ATP13A2: variants seen among roughly 807,000 people sequenced by gnomAD.
The protein encoded by ATP13A2 is polyamine-transporting ATPase 13A2.
ATP13A2 carries 83 observed loss-of-function variants against 138.3 expected under a neutral mutation model. That is an observed-to-expected ratio of 0.60 (90% confidence interval 0.50 to 0.72). The LOEUF (loss-of-function observed/expected upper bound fraction) is 0.72, where lower values mean the gene tolerates loss of function less well. Among genes scored for constraint, ATP13A2 ranks in the 30% least tolerant of loss-of-function variants. ATP13A2 has a pLI of 0.00. For synonymous variants in ATP13A2, 663 were observed against 699.0 expected (o/e 0.95, Z 0.81); for missense variants, 1,402 against 1,606.4 (o/e 0.87, Z 2.17).
Position 16,996,104 on chromosome 1 carries a change from C to A in ATP13A2, c.1414G>T (p.Ala472Ser). 2 of 1,614,106 alleles carry A rather than the reference C, an allele frequency of 1.2e-6. No homozygotes were observed. Among genetic ancestry groups the A allele is most frequent in the Non-Finnish European group, 1.7e-6 (2 of 1,180,044 alleles). The change falls in exon 15 of 29, where the codon GCC (alanine) becomes TCC (serine). Residue 472 changes from alanine (A) to serine (S), a missense_variant. Coordinates refer to ENST00000326735, the MANE Select transcript of ATP13A2 (RefSeq NM_022089.4). ...LDLVTVVVPP[A>S]LPAAMTVCTL... is the part of the protein sequence containing the mutation. ...CACACAGTCATGGCAGCAGGCAGGG[C>A]AGGTGGCACCACCACGGTCACCAGG...
chr1:17,006,903 T>C (rs1178299069), intron 1 of ATP13A2, among the ~76,000 whole-genome samples: 1 of 152,142 alleles, frequency 6.6e-6, no homozygotes, highest in Non-Finnish European at 1.5e-5. Context: ...ATATTCTTTT[T>C]TTTTTGAGAT....
At position 16,991,852 on chromosome 1, in the gene ATP13A2, A is replaced by G. The variant is rs751346349; in HGVS notation, c.2133T>C (p.Thr711=). ...CCAGGAGGCTCAGGTCTCCTTCCAC[A>G]GTGTCCCTGGAGGGTGGGCAGACCT... ...LEAAQQLTRD[T]VEGDLSLLGL... is the part of the protein sequence containing the mutation. The change falls in exon 20 of 29, where the codon ACT becomes ACC. Residue 711 remains threonine (T), a synonymous_variant. Transcript: ENST00000326735. The G allele has an allele frequency of 6.8e-6, 11 of 1,613,934 alleles. No homozygotes were observed. Among genetic ancestry groups the G allele is most frequent in the East Asian group, 2.2e-5 (1 of 44,884 alleles).
At position 16,996,346 on chromosome 1, in the gene ATP13A2, G is replaced by T. The variant is rs769010707; in HGVS notation, c.1306+40C>A. 3.0e-5 allele frequency: 48 copies of T among 1,613,896 alleles called. 1 individual carries two copies. The highest frequency in any genetic ancestry group is 1.7e-4 in the Middle Eastern group (1 of 6,060). The stretch of plus-strand genomic sequence containing the variant: ...TGAGTGGGATTTGGGACCCAGGTGG[G>T]GGGGGCTATGGGCAGAGGAGGGTGC... On this transcript the variant is annotated intron_variant, in intron 13 of 28. Coordinates refer to ENST00000326735, the MANE Select transcript of ATP13A2 (RefSeq NM_022089.4).
At position 16,986,610 on chromosome 1, in the gene ATP13A2, C is replaced by G. The variant is rs377253172; in HGVS notation, c.3258G>C (p.Ala1086=). 34 of 1,610,140 alleles carry G rather than the reference C, an allele frequency of 2.1e-5. No individual in the cohort carries two copies. Among genetic ancestry groups the G allele is most frequent in the Non-Finnish European group, 2.8e-5 (33 of 1,179,466 alleles). The stretch of plus-strand genomic sequence containing the variant: ...GGCCCACCAGGACGGAGCTCAGGAG[C>G]GCCAGGGCCACCAGGAAGGGCACTG... ...YTNVPFLVAL[A]LLSSVLVGLV... is the part of the protein sequence containing the mutation. The change falls in exon 28 of 29, where the codon GCG becomes GCC. Residue 1086 remains alanine (A), a synonymous_variant. Coordinates refer to ENST00000326735, the MANE Select transcript of ATP13A2 (RefSeq NM_022089.4). This position sits in a 1 kb window ranked among gnomAD's most constrained non-coding sequence, Gnocchi z 6.9.
At chr1:17,009,047 C>T (rs952064798) in intron 1 of ATP13A2, among the ~76,000 whole-genome samples, 1 of 152,024 alleles carries the variant, frequency 6.6e-6, no homozygotes, top group African/African-American at 2.4e-5. Flanking sequence ...GATTTGATTT[C>T]CTCCCGCACC....
Position 17,011,605 on chromosome 1 carries a change from C to G in ATP13A2, c.10+124G>C. Reference sequence around the variant, plus strand: ...ACGGGCCAGGATCCCCAACCAGGTCCCGCTTCCTGGGCTCGCGACCCCGCG... The same window carrying G: ...ACGGGCCAGGATCCCCAACCAGGTCGCGCTTCCTGGGCTCGCGACCCCGCG... On this transcript the variant is annotated intron_variant, in intron 1 of 28. Transcript: ENST00000326735. The surrounding 1 kb of genome is among the most constrained non-coding windows in gnomAD (Gnocchi z 7.3). 1 of 1,269,492 alleles carries G rather than the reference C, an allele frequency of 7.9e-7. No individual in the cohort carries two copies. Among genetic ancestry groups the G allele is most frequent in the Non-Finnish European group, 1.0e-6 (1 of 976,938 alleles). The allele number at this position is 1,269,492 out of a possible 1,614,324, so 78.6% of individuals were successfully genotyped here.
chr1:16,996,499 G>A lies in ATP13A2; in HGVS notation c.1196-3C>T. 6.2e-7 allele frequency: 1 copy of A among 1,613,624 alleles called. No homozygotes were observed. Among genetic ancestry groups the A allele is most frequent in the East Asian group, 2.2e-5 (1 of 44,866 alleles). On this transcript the variant is annotated splice_polypyrimidine_tract_variant and splice_region_variant and intron_variant, in intron 12 of 28. Transcript: ENST00000326735. Reference sequence around the variant, plus strand: ...GCCCCCTTTTGCCGTGCAGAACCCTGGGGAGGAGGCGGGGACCCCAAGGCA... The same window carrying A: ...GCCCCCTTTTGCCGTGCAGAACCCTAGGGAGGAGGCGGGGACCCCAAGGCA...
At position 17,002,115 on chromosome 1, in the gene ATP13A2, G is replaced by A. The variant is rs766322286; in HGVS notation, c.636-12C>T. The A allele has an allele frequency of 6.2e-7, 1 of 1,612,572 alleles. No individual in the cohort carries two copies. Among genetic ancestry groups the A allele is most frequent in the East Asian group, 2.2e-5 (1 of 44,824 alleles). On this transcript the variant is annotated splice_polypyrimidine_tract_variant and intron_variant, in intron 7 of 28. Transcript: ENST00000326735. ...CGTAAATGGCCTTCCTGGAAGAGGG[G>A]ATGAGGCCAAGCCATCAGAAGGAGG...
In ATP13A2 at chr1:17,004,761, C is replaced by T. The variant is rs370873558; in HGVS notation, c.408G>A (p.Ala136=). 1.7e-5 allele frequency: 28 copies of T among 1,614,080 alleles called. No homozygotes were observed. The highest frequency in any genetic ancestry group is 2.2e-5 in the East Asian group (1 of 44,878). Residue 136 remains alanine (A), a synonymous_variant, in exon 5 of 29, where the codon GCG becomes GCA. Coordinates refer to ENST00000326735, the MANE Select transcript of ATP13A2 (RefSeq NM_022089.4). This position sits in a 1 kb window ranked among gnomAD's most constrained non-coding sequence, Gnocchi z 4.1. ...TATCCTTCCAGGCACCCTCTGGTAC[C>T]GCCCCAACTGCCGCCTGGCTCCGGC... ...EDGRSQAAVG[A]VPEGAWKDTA...
intron 23 of ATP13A2, 123 bp from the exon 24 acceptor site, chr1:16,988,597 T>A: frequency 1.0e-6 from 1 of 1,003,948 alleles, no homozygotes; most frequent in Non-Finnish European, 1.5e-6. Context: ...CAGGAGGCGC[T>A]CAGTGAATAG....
In ATP13A2 at chr1:17,005,516, C is replaced by A. The variant is rs372254666; in HGVS notation, c.146G>T (p.Gly49Val). Reference sequence around the variant, plus strand: ...CATCATCCAGACCACGACGTGATAGCCGATGACCCTCCATGGACTGCCACA... The same window carrying A: ...CATCATCCAGACCACGACGTGATAGACGATGACCCTCCATGGACTGCCACA... The part of the protein sequence containing the change: ...GYCGSPWRVI[G>V]YHVVVWMMAG... Residue 49 changes from glycine (G) to valine (V), a missense_variant, in exon 3 of 29, where the codon GGC becomes GTC. Physicochemically the swap from Gly to Val is moderately radical, Grantham distance 109 (BLOSUM62 -3). Transcript: ENST00000326735. 20 of 1,614,126 alleles carry A rather than the reference C, an allele frequency of 1.2e-5. No homozygotes were observed. Among genetic ancestry groups the A allele is most frequent in the Non-Finnish European group, 1.7e-5 (20 of 1,180,058 alleles).
Position 16,986,700 on chromosome 1 carries a change from G to A in ATP13A2, c.3236-68C>T, listed in dbSNP as rs912787928. 10 of 1,568,968 alleles carry A rather than the reference G, an allele frequency of 6.4e-6. No homozygotes were observed. In the African/African-American group the frequency reaches 8.1e-5, roughly 13 times the overall value. On this transcript the variant is annotated intron_variant, in intron 27 of 28. Coordinates refer to ENST00000326735, the MANE Select transcript of ATP13A2 (RefSeq NM_022089.4). This position sits in a 1 kb window ranked among gnomAD's most constrained non-coding sequence, Gnocchi z 6.9. ...GGCACCCACAGACACACGTGTGCACGCCAGTCTTCCACTCGGCCGGCACCT... is the reference window on the plus strand; with the variant it reads ...GGCACCCACAGACACACGTGTGCACACCAGTCTTCCACTCGGCCGGCACCT...
At chr1:17,003,415 G>A (rs2077433085) in intron 6 of ATP13A2, among the ~76,000 whole-genome samples, 1 of 151,980 alleles carries the variant, frequency 6.6e-6, no homozygotes, top group Non-Finnish European at 1.5e-5. Context: ...AAAATTAGCT[G>A]GGTGTGGTGG....
At chr1:16,989,325 C>T (rs888969356) in intron 23 of ATP13A2, among the ~76,000 whole-genome samples, 1 of 152,162 alleles carries the variant, frequency 6.6e-6, no homozygotes, top group African/African-American at 2.4e-5. Flanking sequence ...AACCCTCCTG[C>T]CTCAGCCTCT....
chr1:16,986,593 A>G lies in ATP13A2; in HGVS notation c.3275T>C (p.Leu1092Pro), dbSNP rs1557665358. 1.9e-6 allele frequency: 3 copies of G among 1,611,474 alleles called. No individual in the cohort carries two copies. The highest frequency in any genetic ancestry group is 2.5e-6 in the Non-Finnish European group (3 of 1,179,690). ...GCCGGGGACCAGGACAAGGCCCACC[A>G]GGACGGAGCTCAGGAGCGCCAGGGC... ...LVALALLSSVLVGLVLVPGLL... is the reference protein window; with the variant it reads ...LVALALLSSVPVGLVLVPGLL... Residue 1092 changes from leucine to proline, a missense_variant, in exon 28 of 29, where the codon CTG becomes CCG. Coordinates refer to ENST00000326735, the MANE Select transcript of ATP13A2 (RefSeq NM_022089.4). This position sits in a 1 kb window ranked among gnomAD's most constrained non-coding sequence, Gnocchi z 6.9.
chr1:16,994,479 C>T (rs565387199), intron 15 of ATP13A2, among the ~76,000 whole-genome samples: 7 of 152,084 alleles, frequency 4.6e-5, no homozygotes, highest in East Asian at 2.0e-4. Context: ...GCAATCCACC[C>T]GCCTTGGCCT....
Position 16,987,161 on chromosome 1 carries a change from C to T in ATP13A2, c.2968G>A (p.Val990Met), listed in dbSNP as rs571952676. Reference sequence around the variant, plus strand: ...CTGAGCAGCGCCCCCGGTGGCCGCACCCGTCCCAGGACCAGCGCTGGCCCC... The same window carrying T: ...CTGAGCAGCGCCCCCGGTGGCCGCATCCGTCCCAGGACCAGCGCTGGCCCC... ...RTGPALVLGR[V>M]RPPGALLSVP... is the part of the protein sequence containing the mutation. The change falls in exon 26 of 29, where the codon GTG becomes ATG. Residue 990 changes from valine to methionine, a missense_variant. By Grantham distance (21) the Val-to-Met change is conservative (BLOSUM62 1). Transcript: ENST00000326735. 4.3e-6 allele frequency: 7 copies of T among 1,613,242 alleles called. No homozygotes were observed. In the East Asian group the frequency reaches 8.9e-5, roughly 21 times the overall value.
chr1:16,996,339 C>T, intron 13 of ATP13A2, 39 bp from the exon 14 acceptor site: 1 of 1,613,750 alleles, frequency 6.2e-7, no homozygotes, highest in Non-Finnish European at 8.5e-7. Context: ...ATTTGGGACC[C>T]AGGTGGGGGG....
Position 16,992,147 on chromosome 1 carries a change from G to T in ATP13A2, c.2006-18C>A. On this transcript the variant is annotated intron_variant, in intron 18 of 28. Transcript: ENST00000326735. ...GGTGGGCACTGCCAGGGAGAGGCAG[G>T]TGTCACAAGGAGGGGATGGCAGGGA... 1 of 1,612,554 alleles carries T rather than the reference G, an allele frequency of 6.2e-7. No individual in the cohort carries two copies. Among genetic ancestry groups the T allele is most frequent in the South Asian group, 1.1e-5 (1 of 91,062 alleles).
Sources: allele counts gnomAD v4.1 joint callset (sites outside exome capture counted in the v4.1 genomes callset), GRCh38; gene constraint gnomAD v4.1.1; non-coding constraint Gnocchi (gnomAD v3.1); transcripts MANE v1.5; gene names NCBI Gene and HGNC (gene_info 2026-07-23, HGNC 2026-07-21).